ZBTB8OS: variants seen among roughly 807,000 people sequenced by gnomAD.
ZBTB8OS encodes the protein tRNA-splicing ligase-activating factor archease.
In ZBTB8OS, 16 loss-of-function variants were observed where a neutral mutation model predicts 29.3. The observed-to-expected ratio is 0.55, with a 90% confidence interval of 0.37 to 0.83. The LOEUF is 0.83. Among genes scored for constraint, ZBTB8OS ranks in the 40% least tolerant of loss-of-function variants. The pLI is 0.00. For missense variants in ZBTB8OS, 160 were observed against 196.9 expected (o/e 0.81, Z 1.12); for synonymous variants, 70 against 64.6 (o/e 1.08, Z -0.40).
At chr1:32,646,915 A>C (rs929167651) in intron 1 of ZBTB8OS, among the ~76,000 whole-genome samples, 1 of 149,330 alleles carries the variant, frequency 6.7e-6, no homozygotes, top group African/African-American at 2.5e-5. Context: ...GGTGGTGGGC[A>C]CCTGTAATCC....
intron 1 of ZBTB8OS, among the ~76,000 whole-genome samples, chr1:32,647,266 CAA>C (rs71006348): frequency 7.4e-6 from 1 of 134,552 alleles, no homozygotes; most frequent in Admixed American, 7.5e-5. Flanking sequence ...TACTCTGTCT[CAA>C]AAAAAAAAAA....
At chr1:32,640,998 C>G (rs1219973950) in intron 1 of ZBTB8OS, among the ~76,000 whole-genome samples, 1 of 7,344 alleles carries the variant, frequency 1.4e-4, no homozygotes, top group African/African-American at 3.1e-4. Flanking sequence ...AACCCTGTCT[C>G]TACTAAAAAT....
chr1:32,638,967 A>T (rs534622785), intron 1 of ZBTB8OS, among the ~76,000 whole-genome samples: 1 of 152,048 alleles, frequency 6.6e-6, no homozygotes, highest in South Asian at 2.1e-4. Context: ...TAAATTGAGT[A>T]TTTTTATCTT....
rs71006347 is a variant in ZBTB8OS at position 32,647,041 on chromosome 1, C to CAAAAAAAA, written c.97+3384_97+3391dup. On this transcript the variant is annotated intron_variant, in intron 1 of 6. Coordinates refer to ENST00000468695, the MANE Select transcript of ZBTB8OS (RefSeq NM_178547.5). ...TGGGAGACAGAGCAAGATACTGTCTCAAAAAAAAAAAAAAAAAAAAAAAAA... is the reference window on the plus strand; with the variant it reads ...TGGGAGACAGAGCAAGATACTGTCTCAAAAAAAAAAAAAAAAAAAAAAAAAAAAAAAAA... Among the ~76,000 whole-genome samples the CAAAAAAAA allele has an allele frequency of 2.9e-3, 114 of 39,392 alleles. 23 individuals are homozygous for CAAAAAAAA. Among genetic ancestry groups the CAAAAAAAA allele is most frequent in the African/African-American group, 4.7e-3 (48 of 10,198 alleles). The allele number at this position is 39,392 out of a possible 152,430, so 25.8% of individuals were successfully genotyped here. A position where few individuals can be genotyped will look rare whatever the true frequency, so the allele number is the denominator to read the frequency against.
At chr1:32,645,872 TG>T (rs907490962) in intron 1 of ZBTB8OS, among the ~76,000 whole-genome samples, 37 of 152,250 alleles carry the variant, frequency 2.4e-4, no homozygotes, top group African/African-American at 8.4e-4. Context: ...AAAATAGTTT[TG>T]ACATCACAGA....
intron 5 of ZBTB8OS, chr1:32,627,985 A>C (rs1269517125): frequency 6.0e-6 from 1 of 165,406 alleles, no homozygotes; most frequent in Non-Finnish European, 1.3e-5. Context: ...TCAAGGCTGC[A>C]GTGAGCTGTG....
At chr1:32,624,464 C>A (rs1374398164) in intron 6 of ZBTB8OS, among the ~76,000 whole-genome samples, 1 of 152,196 alleles carries the variant, frequency 6.6e-6, no homozygotes, top group Non-Finnish European at 1.5e-5. Flanking sequence ...TGCATAAATT[C>A]ATGGATGGAT....
Position 32,631,835 on chromosome 1 carries a change from T to C in ZBTB8OS, c.372A>G (p.Arg124=), listed in dbSNP as rs768456677. 6.3e-7 allele frequency: 1 copy of C among 1,596,186 alleles called. No individual in the cohort carries two copies. The change falls in exon 5 of 7, where the codon CGA becomes CGG. Residue 124 remains arginine (R), a synonymous_variant. Transcript: ENST00000468695. ...AGACTTTCAAAACTTACCCAATTGA[T>C]CGTAATTTGAAATTTCTTTGATCAA... is the stretch of plus-strand genomic sequence containing the variant. ...LSIDQRNFKL[R]SIGWGEEFSL... is the part of the protein sequence containing the mutation.
chr1:32,643,620 C>T (rs1047954124), intron 1 of ZBTB8OS, among the ~76,000 whole-genome samples: 10 of 151,770 alleles, frequency 6.6e-5, no homozygotes, highest in Non-Finnish European at 1.5e-4. Context: ...CTCAGCCTCC[C>T]GAGTAGCTAC....
chr1:32,632,575 C>T (rs552680100), intron 4 of ZBTB8OS, among the ~76,000 whole-genome samples: 4 of 152,216 alleles, frequency 2.6e-5, no homozygotes, highest in South Asian at 2.1e-4. Context: ...CCACTGCGCC[C>T]AGATAATTAT....
At chr1:32,628,554 T>C (rs1276255655) in intron 5 of ZBTB8OS, among the ~76,000 whole-genome samples, 1 of 151,886 alleles carries the variant, frequency 6.6e-6, no homozygotes, top group Non-Finnish European at 1.5e-5. Context: ...GGAGAATCGC[T>C]TGAGCCAGGA....
chr1:32,637,549 C>T (rs1281638290), intron 1 of ZBTB8OS, among the ~76,000 whole-genome samples: 1 of 149,496 alleles, frequency 6.7e-6, no homozygotes, highest in Non-Finnish European at 1.5e-5. Context: ...GTGTGGGTGA[C>T]AGAGCAAGAC....
intron 6 of ZBTB8OS, among the ~76,000 whole-genome samples, chr1:32,623,174 C>G (rs1644866009): frequency 6.6e-6 from 1 of 152,184 alleles, no homozygotes; most frequent in South Asian, 2.1e-4. Flanking sequence ...AGGAAGATTT[C>G]ACAGAAGGAT....
chr1:32,621,503 A>T lies in ZBTB8OS; in HGVS notation c.*359T>A, dbSNP rs1199406042. 30 of 195,428 alleles carry T rather than the reference A, an allele frequency of 1.5e-4. No individual in the cohort carries two copies. The East Asian group carries it at 3.7e-3, about 24-fold the overall frequency. 12.1% of individuals were successfully genotyped at this position (195,428 alleles called of 1,614,324 possible). On this transcript the variant is annotated 3_prime_UTR_variant, in exon 7 of 7. Transcript: ENST00000468695. ...ATTTTTTCAAGTTATTCTTCTTTCA[A>T]CCTGGATTCAGCCTCAGGCTGCTGC...
intron 6 of ZBTB8OS, among the ~76,000 whole-genome samples, chr1:32,625,073 A>ATTAGCC (rs1258783377): frequency 6.7e-6 from 1 of 149,566 alleles, no homozygotes; most frequent in Non-Finnish European, 1.5e-5. Context: ...AAATACAAAA[A>ATTAGCC]TTAGCCTGGC....
At chr1:32,626,898 T>G (rs567753211) in intron 6 of ZBTB8OS, among the ~76,000 whole-genome samples, 1 of 152,324 alleles carries the variant, frequency 6.6e-6, no homozygotes, top group South Asian at 2.1e-4. Flanking sequence ...AACAATGACA[T>G]TTTGTTACAT....
intron 2 of ZBTB8OS, 52 bp from the exon 3 acceptor site, chr1:32,634,124 A>C (rs377633563): frequency 1.8e-5 from 25 of 1,361,002 alleles, no homozygotes; most frequent in African/African-American, 1.5e-4. Flanking sequence ...CAAGAAAGAA[A>C]ATTTGATAGC....
At chr1:32,631,929 T>G in intron 4 of ZBTB8OS, 50 bp from the exon 5 acceptor site, 1 of 952,754 alleles carries the variant, frequency 1.0e-6, no homozygotes, top group Non-Finnish European at 1.5e-6. Flanking sequence ...TAATAGACTA[T>G]CTACTAAAAA....
At chr1:32,646,973 C>T (rs142441338) in intron 1 of ZBTB8OS, among the ~76,000 whole-genome samples, 15,541 of 127,522 alleles carry the variant, frequency 0.12, 1,561 homozygotes, top group African/African-American at 0.28. Flanking sequence ...ACCCAGGAGG[C>T]GGAGGTTGCT....
Sources: allele counts gnomAD v4.1 joint callset (sites outside exome capture counted in the v4.1 genomes callset), GRCh38; gene constraint gnomAD v4.1.1; transcripts MANE v1.5; gene names NCBI Gene and HGNC (gene_info 2026-07-23, HGNC 2026-07-21).